Variants in SDK1 observed in about 807,000 individuals in gnomAD.
The protein encoded by SDK1 is protein sidekick-1.
In SDK1, 157 loss-of-function variants were observed where a neutral mutation model predicts 245.5. The ratio of observed to expected loss-of-function variants is 0.64; its 90% CI spans 0.56 to 0.73. The LOEUF (loss-of-function observed/expected upper bound fraction) is 0.73. Among genes scored for constraint, SDK1 ranks in the 30% least tolerant of loss-of-function variants. The pLI is 0.00. For synonymous variants in SDK1, 1,647 were observed against 1,278.5 expected, an observed-to-expected ratio of 1.29 and a Z score of -6.15; for missense variants, 3,583 against 3,002.3, an observed-to-expected ratio of 1.19 and a Z score of -4.52.
Position 4,096,908 on chromosome 7 carries a change from C to T in SDK1, c.3325-13755C>T, listed in dbSNP as rs1022310140. Among the ~76,000 whole-genome samples the T allele has an allele frequency of 2.0e-5, 3 of 152,176 alleles. No homozygotes were observed. In the South Asian group the frequency reaches 6.2e-4, roughly 32 times the overall value. On this transcript the variant is annotated intron_variant, in intron 22 of 44. Transcript: ENST00000404826. ...CCAGTGACTGTAAGGATCTGTAGCC[C>T]AGGAAGAGGCAGCCTGGGCTCAAAC...
chr7:4,114,085 A>G lies in SDK1; in HGVS notation c.3634A>G (p.Arg1212Gly), dbSNP rs1783533412. 1 of 1,614,118 alleles carries G rather than the reference A, an allele frequency of 6.2e-7. No individual in the cohort carries two copies. Among genetic ancestry groups the G allele is most frequent in the Admixed American group, 1.7e-5 (1 of 60,016 alleles). ...CGGGAACCCCGAGTCCGTGGGCTAC[A>G]GGATTAAGTACTGGCGCTCAGACCT... ...YNGNPESVGYRIKYWRSDLQS... is the reference protein window; with the variant it reads ...YNGNPESVGYGIKYWRSDLQS... The change falls in exon 25 of 45, where the codon AGG becomes GGG. Residue 1212 changes from arginine (R) to glycine (G), a missense_variant. Arg to Gly is a moderately radical substitution (Grantham distance 125). Transcript: ENST00000404826.
intron 1 of SDK1, among the ~76,000 whole-genome samples, chr7:3,504,313 C>T (rs895397192): frequency 2.0e-5 from 3 of 151,080 alleles, no homozygotes; most frequent in Non-Finnish European, 4.4e-5. Context: ...ACCAGCTGAT[C>T]TTAAAACCAC....
chr7:4,148,874 G>A (rs1413643667), intron 29 of SDK1, among the ~76,000 whole-genome samples: 1 of 152,150 alleles, frequency 6.6e-6, no homozygotes, highest in Non-Finnish European at 1.5e-5. Flanking sequence ...TGGCCAACAT[G>A]GTGAAACCCT....
At chr7:3,758,815 T>G (rs919444142) in intron 4 of SDK1, among the ~76,000 whole-genome samples, 2 of 152,198 alleles carry the variant, frequency 1.3e-5, no homozygotes, top group Non-Finnish European at 2.9e-5. Flanking sequence ...GGCCTCTCAG[T>G]GGACCCAGCT....
rs76420622 is a variant in SDK1 at position 4,065,700 on chromosome 7, T to G, written c.2912-2138T>G. The stretch of plus-strand genomic sequence containing the variant: ...ACCCAGATGAGTGGTTGTTGTTTTT[T>G]TTTTTTTTTTTTTTTTTTTTTTTTT... On this transcript the variant is annotated intron_variant, in intron 19 of 44. Coordinates refer to ENST00000404826, the MANE Select transcript of SDK1 (RefSeq NM_152744.4). 1.8e-3 allele frequency among the ~76,000 whole-genome samples: 140 copies of G among 79,178 alleles called. 3 individuals carry two copies. Among genetic ancestry groups the G allele is most frequent in the African/African-American group, 5.4e-3 (34 of 6,334 alleles). The allele number at this position is 79,178 out of a possible 152,430, so 51.9% of individuals were successfully genotyped here. A position where few individuals can be genotyped will look rare whatever the true frequency, so the allele number is the denominator to read the frequency against.
chr7:3,819,592 T>G (rs1004604918), intron 4 of SDK1, among the ~76,000 whole-genome samples: 3 of 152,074 alleles, frequency 2.0e-5, no homozygotes, highest in African/African-American at 7.2e-5. Flanking sequence ...TAAAATAAAA[T>G]GGAACAATTT....
chr7:4,006,538 T>G (rs1030299343), intron 14 of SDK1, among the ~76,000 whole-genome samples: 3 of 152,198 alleles, frequency 2.0e-5, no homozygotes, highest in Admixed American at 1.3e-4. Flanking sequence ...TATTTAAATT[T>G]TAACAGTTCT....
chr7:4,197,730 T>C (rs1170152847), intron 35 of SDK1, among the ~76,000 whole-genome samples: 3 of 152,164 alleles, frequency 2.0e-5, no homozygotes, highest in East Asian at 3.9e-4. Context: ...TTGTAAACAG[T>C]GTTCCTTTGA....
At chr7:3,934,589 T>C (rs1323079859) in intron 5 of SDK1, among the ~76,000 whole-genome samples, 1 of 152,270 alleles carries the variant, frequency 6.6e-6, no homozygotes, top group Non-Finnish European at 1.5e-5. Context: ...TATGCAATTT[T>C]AGCAAACATC....
At chr7:3,654,044 C>A (rs1310002134) in intron 4 of SDK1, among the ~76,000 whole-genome samples, 3 of 152,132 alleles carry the variant, frequency 2.0e-5, no homozygotes, top group African/African-American at 7.2e-5. Context: ...CTTTCTGTGG[C>A]TCTCTGGCTG....
chr7:3,943,535 C>G (rs1224079551), intron 5 of SDK1, among the ~76,000 whole-genome samples: 1 of 150,360 alleles, frequency 6.7e-6, no homozygotes, highest in East Asian at 2.0e-4. Flanking sequence ...TTCCCCCACC[C>G]CACCCCTGCC....
chr7:4,251,436 C>T (rs921578854), intron 44 of SDK1, among the ~76,000 whole-genome samples: 1 of 152,220 alleles, frequency 6.6e-6, no homozygotes, highest in Non-Finnish European at 1.5e-5. Context: ...TAGTCCTCCA[C>T]CAGAGAGCTG....
intron 18 of SDK1, 46 bp downstream of exon 18, chr7:4,049,509 G>C (rs773320970): frequency 6.7e-5 from 97 of 1,453,690 alleles, no homozygotes; most frequent in Non-Finnish European, 9.3e-5. Context: ...TCATTGTCTG[G>C]AGCCACAGCG....
chr7:4,056,698 T>G (rs566963536), intron 19 of SDK1, among the ~76,000 whole-genome samples: 7 of 152,234 alleles, frequency 4.6e-5, no homozygotes, highest in African/African-American at 1.4e-4. Context: ...GACCGTGTGA[T>G]GTCCTGCTCC....
intron 4 of SDK1, among the ~76,000 whole-genome samples, chr7:3,686,384 C>T (rs191072347): frequency 2.6e-5 from 4 of 152,194 alleles, no homozygotes; most frequent in Admixed American, 1.3e-4. Context: ...CCAAGGCAAA[C>T]GTTACTTTTT....
At chr7:3,325,500 T>C (rs943104569) in intron 1 of SDK1, among the ~76,000 whole-genome samples, 7 of 152,164 alleles carry the variant, frequency 4.6e-5, no homozygotes, top group African/African-American at 1.7e-4. Context: ...AGATTCTTTT[T>C]ATTATAATAA....
intron 4 of SDK1, among the ~76,000 whole-genome samples, chr7:3,777,128 T>G (rs1562435557): frequency 6.6e-6 from 1 of 152,194 alleles, no homozygotes; most frequent in African/African-American, 2.4e-5. Context: ...GGCGCTTACA[T>G]TGGATGAGAT....
intron 17 of SDK1, among the ~76,000 whole-genome samples, chr7:4,048,428 G>A (rs1789178533): frequency 6.6e-6 from 1 of 152,100 alleles, no homozygotes; most frequent in Non-Finnish European, 1.5e-5. Flanking sequence ...CCGTGCTGCT[G>A]GGCACGGTAG....
intron 1 of SDK1, among the ~76,000 whole-genome samples, chr7:3,551,305 T>C (rs1205976051): frequency 1.3e-5 from 2 of 152,162 alleles, no homozygotes; most frequent in African/African-American, 4.8e-5. Flanking sequence ...AGCATCTGGG[T>C]ACTATTTTTT....
Sources: allele counts gnomAD v4.1 joint callset (sites outside exome capture counted in the v4.1 genomes callset), GRCh38; gene constraint gnomAD v4.1.1; transcripts MANE v1.5; gene names NCBI Gene and HGNC (gene_info 2026-07-23, HGNC 2026-07-21).